Variants in GLIS3 observed in about 807,000 individuals in gnomAD.
GLIS3 encodes GLIS family zinc finger 3.
Under a neutral mutation model 78.6 loss-of-function variants are expected in GLIS3, and 53 were observed. That is an observed-to-expected ratio of 0.67 (90% CI 0.54 to 0.85). The LOEUF (loss-of-function observed/expected upper bound fraction) is 0.85. Among genes scored for constraint, GLIS3 ranks in the 40% least tolerant of loss-of-function variants. The probability of loss-of-function intolerance (pLI) is 0.00; values close to 1 mark genes in which losing one functional copy is unlikely to be tolerated. For synonymous variants in GLIS3, 684 were observed against 509.9 expected, an observed-to-expected ratio of 1.34 and a Z score of -4.60; for missense variants, 1,703 against 1,231.1, an observed-to-expected ratio of 1.38 and a Z score of -5.74.
intron 8 of GLIS3, among the ~76,000 whole-genome samples, chr9:3,857,767 C>A (rs182218151): frequency 2.2e-4 from 34 of 152,310 alleles, no homozygotes; most frequent in African/African-American, 7.7e-4. Context: ...CTGAAAAGAT[C>A]TGCTGAATAG....
chr9:4,176,146 A>T (rs4741903), intron 2 of GLIS3, among the ~76,000 whole-genome samples: 42,394 of 152,086 alleles, frequency 0.28, 6,365 homozygotes, highest in South Asian at 0.46. Flanking sequence ...ATCAGAAAAT[A>T]ACCCAGAATC....
chr9:3,917,662 T>C (rs1298136325), intron 6 of GLIS3, among the ~76,000 whole-genome samples: 1 of 152,082 alleles, frequency 6.6e-6, no homozygotes, highest in Non-Finnish European at 1.5e-5. Context: ...TCTATTGGTT[T>C]CAAGTTATTC....
At chr9:3,831,465 A>G (rs1818040128) in intron 9 of GLIS3, among the ~76,000 whole-genome samples, 2 of 152,252 alleles carry the variant, frequency 1.3e-5, no homozygotes, top group African/African-American at 4.8e-5. Flanking sequence ...CCTAAAAATC[A>G]TTCTCAACAC....
chr9:4,168,469 C>T (rs1816079478), intron 2 of GLIS3, among the ~76,000 whole-genome samples: 1 of 152,072 alleles, frequency 6.6e-6, no homozygotes, highest in African/African-American at 2.4e-5. Context: ...ACAACAAAGT[C>T]ACTAAATGAA....
At chr9:4,205,525 T>A (rs1445359778) in intron 2 of GLIS3, among the ~76,000 whole-genome samples, 2 of 152,220 alleles carry the variant, frequency 1.3e-5, no homozygotes, top group Admixed American at 6.5e-5. Flanking sequence ...TGTCTGGAGC[T>A]GCTTGCAGGC....
intron 4 of GLIS3, among the ~76,000 whole-genome samples, chr9:4,306,607 A>G (rs1817234671): frequency 6.6e-6 from 1 of 152,230 alleles, no homozygotes; most frequent in South Asian, 2.1e-4. Context: ...TCATTCCTAG[A>G]TAAAACAGAG....
chr9:3,907,807 G>A (rs775323758), intron 6 of GLIS3, among the ~76,000 whole-genome samples: 4 of 152,086 alleles, frequency 2.6e-5, no homozygotes, highest in Non-Finnish European at 4.4e-5. Flanking sequence ...GAGTTCTCTT[G>A]CAAGTGCGTC....
the GLIS3 span, among the ~76,000 whole-genome samples, chr9:4,358,826 C>T: frequency 2.0e-5 from 3 of 152,170 alleles, no homozygotes; most frequent in Non-Finnish European, 4.4e-5. Context: ...TAAAAGGTCC[C>T]TGTAAGATGT....
chr9:3,828,525 T>C (rs1039868864), intron 10 of GLIS3, 117 bp from the exon 11 acceptor site: 1 of 1,320,908 alleles, frequency 7.6e-7, no homozygotes, highest in African/African-American at 1.5e-5. Flanking sequence ...GAGGCAACCA[T>C]GCCAGCCTGG....
the GLIS3 span, among the ~76,000 whole-genome samples, chr9:4,452,704 T>C: frequency 1.9e-4 from 29 of 152,312 alleles, no homozygotes; most frequent in Admixed American, 3.9e-4. Context: ...TCCATGTTCA[T>C]GGATAGGAAG....
intron 6 of GLIS3, among the ~76,000 whole-genome samples, chr9:3,928,385 C>A (rs1016911896): frequency 6.6e-6 from 1 of 152,222 alleles, no homozygotes; most frequent in Non-Finnish European, 1.5e-5. Flanking sequence ...GCCGTCTAGA[C>A]CATGACTGAA....
intron 2 of GLIS3, among the ~76,000 whole-genome samples, chr9:4,172,127 A>T (rs1464707221): frequency 6.6e-6 from 1 of 152,216 alleles, no homozygotes; most frequent in African/African-American, 2.4e-5. Flanking sequence ...AAATGCTAAG[A>T]TCTGAGAAAA....
At chr9:3,878,324 G>C (rs1821464868) in intron 8 of GLIS3, among the ~76,000 whole-genome samples, 1 of 152,102 alleles carries the variant, frequency 6.6e-6, no homozygotes, top group African/African-American at 2.4e-5. Flanking sequence ...TGTAAGGGCA[G>C]GAGCATATTT....
At chr9:3,945,802 G>A (rs1816253960) in intron 4 of GLIS3, among the ~76,000 whole-genome samples, 1 of 151,968 alleles carries the variant, frequency 6.6e-6, no homozygotes, top group Non-Finnish European at 1.5e-5. Flanking sequence ...AACTAATTAA[G>A]CAAAACAAAA....
chr9:4,351,866 TA>T (rs113183228), upstream of GLIS3, among the ~76,000 whole-genome samples: 673 of 148,808 alleles, frequency 4.5e-3, 3 homozygotes, highest in African/African-American at 0.015. Context: ...ACAGTTTTCT[TA>T]AAAAAAAAAT....
chr9:4,012,575 T>G (rs1822105103), intron 4 of GLIS3, among the ~76,000 whole-genome samples: 1 of 152,162 alleles, frequency 6.6e-6, no homozygotes. Flanking sequence ...ACACTGTGAT[T>G]CATGTTTCTG....
the GLIS3 span, among the ~76,000 whole-genome samples, chr9:4,385,803 AAG>A: frequency 1.3e-5 from 1 of 77,898 alleles, no homozygotes; most frequent in Non-Finnish European, 2.6e-5. Context: ...GAAAGAAAGA[AAG>A]AAAGAAAAGA....
chr9:4,364,511 A>G, the GLIS3 span, among the ~76,000 whole-genome samples: 1 of 152,266 alleles, frequency 6.6e-6, no homozygotes, highest in Admixed American at 6.5e-5. Context: ...TGATGCTCAC[A>G]ATATGTAAGT....
At position 3,937,307 on chromosome 9, in the gene GLIS3, C is replaced by A. The variant is rs112122693; in HGVS notation, c.1711-118G>T. 3.1e-5 allele frequency: 30 copies of A among 979,876 alleles called. 1 individual carries two copies. Among genetic ancestry groups the A allele is most frequent in the African/African-American group, 2.0e-4 (12 of 61,486 alleles). 60.7% of individuals were successfully genotyped at this position (979,876 alleles called of 1,614,324 possible). On this transcript the variant is annotated intron_variant, in intron 4 of 10. Coordinates refer to ENST00000381971, the MANE Select transcript of GLIS3 (RefSeq NM_001042413.2). The stretch of plus-strand genomic sequence containing the variant: ...TTTGCCGAAAATGATAAAATAAAAT[C>A]AAATCCAAACAGTAATAAATATTGC...
Sources: gnomAD v4.1 joint callset for allele counts (sites outside exome capture counted in the v4.1 genomes callset) on GRCh38, gnomAD v4.1.1 for gene constraint, MANE v1.5 for transcripts, NCBI Gene and HGNC (gene_info 2026-07-23, HGNC 2026-07-21) for gene names.